The following SMIM8 variants were observed in gnomAD, a reference collection of about 807,000 sequenced individuals.
The protein encoded by SMIM8 is UPF0708 protein C6orf162.
A neutral mutation model predicts 8.1 loss-of-function variants in SMIM8; 8 were observed. The ratio of observed to expected loss-of-function variants is 0.99; its 90% CI spans 0.58 to 1.78. SMIM8 has a LOEUF of 1.78. Among genes scored for constraint, SMIM8 ranks in the 40% most tolerant of loss-of-function variants. The probability of loss-of-function intolerance (pLI) is 0.00; values close to 1 mark genes in which losing one functional copy is unlikely to be tolerated. For synonymous variants in SMIM8, 45 were observed against 39.7 expected (o/e 1.13, Z -0.50); for missense variants, 126 against 119.8 (o/e 1.05, Z -0.24).
intron 1 of SMIM8, among the ~76,000 whole-genome samples, chr6:87,324,980 C>T (rs1276562968): frequency 6.6e-6 from 1 of 151,976 alleles, no homozygotes; most frequent in African/African-American, 2.4e-5. Context: ...TGAAGAGGTC[C>T]TTCACATCCC....
intron 1 of SMIM8, chr6:87,323,171 C>G (rs1216311295): frequency 6.6e-6 from 1 of 152,234 alleles, no homozygotes; most frequent in Non-Finnish European, 1.5e-5. Flanking sequence ...AGATGAGACT[C>G]AGATTGTCAG....
At chr6:87,339,995 C>A in intron 3 of SMIM8, 121 bp from the exon 4 acceptor site, 4 of 651,966 alleles carry the variant, frequency 6.1e-6, no homozygotes, top group South Asian at 5.2e-5. Flanking sequence ...TGAAATATTG[C>A]CATGGTAATG....
rs542362030 is a variant in SMIM8 at position 87,323,935 on chromosome 6, G to T, written c.-45+1303G>T. Among the ~76,000 whole-genome samples, 3 of 151,974 alleles carry T rather than the reference G, an allele frequency of 2.0e-5. No individual in the cohort carries two copies. In the East Asian group the frequency reaches 5.8e-4, roughly 29 times the overall value. ...TTTCTCCACAGCCTCTCCAGCACCT[G>T]TTGTTTCCTGACTTTTTAATGATTG... On this transcript the variant is annotated intron_variant, in intron 1 of 3. Transcript: ENST00000392863.
At position 87,341,479 on chromosome 6, in the gene SMIM8, C is replaced by T. The variant is rs1353978981; in HGVS notation, c.*1205C>T. ...ATCTTTCTTACAAGGGTTCTGGACCCGTTTCATTTCTAGATATATACCTAA... is the reference window on the plus strand; with the variant it reads ...ATCTTTCTTACAAGGGTTCTGGACCTGTTTCATTTCTAGATATATACCTAA... On this transcript the variant is annotated 3_prime_UTR_variant, in exon 4 of 4. Coordinates refer to ENST00000392863, the MANE Select transcript of SMIM8 (RefSeq NM_001042493.3). 6 of 391,356 alleles carry T rather than the reference C, an allele frequency of 1.5e-5. No homozygotes were observed. Among genetic ancestry groups the T allele is most frequent in the Non-Finnish European group, 2.7e-5 (6 of 222,098 alleles). The allele number at this position is 391,356 out of a possible 1,614,324, so 24.2% of individuals were successfully genotyped here.
At chr6:87,327,529 G>C (rs1446310151) in intron 1 of SMIM8, among the ~76,000 whole-genome samples, 9 of 149,704 alleles carry the variant, frequency 6.0e-5, no homozygotes, top group African/African-American at 2.2e-4. Context: ...AGTTTGGCTG[G>C]ATATGAAATT....
intron 1 of SMIM8, among the ~76,000 whole-genome samples, chr6:87,327,559 C>T (rs1776859101): frequency 6.7e-6 from 1 of 150,036 alleles, no homozygotes; most frequent in African/African-American, 2.4e-5. Context: ...AAATTCTTTT[C>T]TTTAAGAATG....
At chr6:87,331,977 T>G (rs1777004702) in intron 2 of SMIM8, among the ~76,000 whole-genome samples, 1 of 152,156 alleles carries the variant, frequency 6.6e-6, no homozygotes, top group African/African-American at 2.4e-5. Context: ...TTCTGTCATT[T>G]CTAGCAGAGT....
At chr6:87,329,878 A>G (rs1776952148) in intron 1 of SMIM8, among the ~76,000 whole-genome samples, 1 of 152,200 alleles carries the variant, frequency 6.6e-6, no homozygotes, top group African/African-American at 2.4e-5. Context: ...GTATGAAAGT[A>G]GCTACCATTC....
chr6:87,331,197 G>A (rs1386272817), intron 2 of SMIM8, among the ~76,000 whole-genome samples: 41 of 152,220 alleles, frequency 2.7e-4, no homozygotes, highest in Non-Finnish European at 1.5e-4. Flanking sequence ...AGTAAGAGAA[G>A]AAGGTGGAGA....
Position 87,328,908 on chromosome 6 carries a change from C to T in SMIM8, c.-44-1784C>T, listed in dbSNP as rs182314049. ...GCTGTGCTAGCAATCAGCCAGACTC[C>T]GTGGGCGTAGGACCCTCCGAACCAC... On this transcript the variant is annotated intron_variant, in intron 1 of 3. Coordinates refer to ENST00000392863, the MANE Select transcript of SMIM8 (RefSeq NM_001042493.3). Among the ~76,000 whole-genome samples the T allele has an allele frequency of 1.2e-3, 181 of 152,338 alleles. 2 individuals carry two copies. The highest frequency in any genetic ancestry group is 4.0e-3 in the African/African-American group (167 of 41,576).
intron 3 of SMIM8, among the ~76,000 whole-genome samples, chr6:87,337,809 G>A (rs1298262898): frequency 6.6e-6 from 1 of 152,040 alleles, no homozygotes; most frequent in East Asian, 1.9e-4. Flanking sequence ...AAAATTTTTT[G>A]TAGAGATGGT....
chr6:87,333,482 A>C (rs1777037006), intron 2 of SMIM8, among the ~76,000 whole-genome samples: 1 of 152,214 alleles, frequency 6.6e-6, no homozygotes, highest in African/African-American at 2.4e-5. Context: ...CCTGGTGGCC[A>C]ACATTTGTTA....
At chr6:87,326,135 C>T (rs993678550) in intron 1 of SMIM8, among the ~76,000 whole-genome samples, 59 of 152,142 alleles carry the variant, frequency 3.9e-4, no homozygotes, top group Non-Finnish European at 6.2e-4. Context: ...TTTTTTATTG[C>T]GTCTATTTGA....
chr6:87,331,250 G>A (rs1385813451), intron 2 of SMIM8, among the ~76,000 whole-genome samples: 1 of 152,208 alleles, frequency 6.6e-6, no homozygotes, highest in Non-Finnish European at 1.5e-5. Flanking sequence ...AAGTGTGCTG[G>A]ACATTAACTG....
chr6:87,327,006 CT>C (rs1776838865), intron 1 of SMIM8, among the ~76,000 whole-genome samples: 1 of 133,956 alleles, frequency 7.5e-6, no homozygotes, highest in Non-Finnish European at 1.6e-5. Context: ...GAATTGATCC[CT>C]TTACCATTAT....
chr6:87,324,300 T>G (rs1263209072), intron 1 of SMIM8, among the ~76,000 whole-genome samples: 2 of 152,354 alleles, frequency 1.3e-5, no homozygotes, highest in East Asian at 1.9e-4. Context: ...AATTTTGGCT[T>G]TGGTTGCTAT....
At chr6:87,327,435 T>C (rs1236453803) in intron 1 of SMIM8, among the ~76,000 whole-genome samples, 1 of 152,186 alleles carries the variant, frequency 6.6e-6, no homozygotes, top group Non-Finnish European at 1.5e-5. Flanking sequence ...CAGGAGCTCT[T>C]TTAGGGCAGG....
At chr6:87,340,084 C>A (rs201480180) in intron 3 of SMIM8, 32 bp from the exon 4 acceptor site, 12 of 1,501,526 alleles carry the variant, frequency 8.0e-6, no homozygotes, top group Non-Finnish European at 9.7e-6. Flanking sequence ...GTTAGTCTTA[C>A]TAAAGCTTTA....
At chr6:87,336,938 A>T in intron 2 of SMIM8, 71 bp from the exon 3 acceptor site, 2 of 1,276,436 alleles carry the variant, frequency 1.6e-6, no homozygotes, top group Non-Finnish European at 2.1e-6. Context: ...GGAATTTAAG[A>T]ATTACTTTTT....
Sources: gnomAD v4.1 joint callset for allele counts (sites outside exome capture counted in the v4.1 genomes callset) on GRCh38, gnomAD v4.1.1 for gene constraint, MANE v1.5 for transcripts, NCBI Gene and HGNC (gene_info 2026-07-23, HGNC 2026-07-21) for gene names.